Variants in MCTP1 observed in about 807,000 individuals in gnomAD.
MCTP1 encodes the protein multiple C2 and transmembrane domain-containing protein 1.
In MCTP1, 69 loss-of-function variants were observed where a neutral mutation model predicts 120.6. The observed-to-expected ratio is 0.57, with a 90% CI of 0.47 to 0.70. The LOEUF (loss-of-function observed/expected upper bound fraction) is 0.70. MCTP1 is among the 30% of genes least tolerant of loss of function. The pLI is 0.00. For missense variants in MCTP1, 1,203 were observed against 1,248.8 expected (o/e 0.96, Z 0.55); for synonymous variants, 529 against 493.1 (o/e 1.07, Z -0.96).
chr5:94,934,283 T>C (rs969197222), intron 5 of MCTP1, among the ~76,000 whole-genome samples: 3 of 151,972 alleles, frequency 2.0e-5, no homozygotes, highest in East Asian at 3.9e-4. Flanking sequence ...TTGTGAAAGA[T>C]AGAAGATGAA....
At chr5:94,749,021 C>A (rs1333731234) in intron 19 of MCTP1, among the ~76,000 whole-genome samples, 4 of 152,138 alleles carry the variant, frequency 2.6e-5, no homozygotes, top group Non-Finnish European at 5.9e-5. Flanking sequence ...ATTGTGGCCC[C>A]AGAGCATTCT....
chr5:94,864,968 CAATAGATGA>C (rs1796525250), intron 17 of MCTP1, among the ~76,000 whole-genome samples: 1 of 151,930 alleles, frequency 6.6e-6, no homozygotes, highest in African/African-American at 2.4e-5. Flanking sequence ...TCCATGTCTA[CAATAGATGA>C]TTCCCCAAGA....
At chr5:95,007,782 A>G (rs948038405) in intron 2 of MCTP1, among the ~76,000 whole-genome samples, 2 of 152,182 alleles carry the variant, frequency 1.3e-5, no homozygotes, top group Admixed American at 6.6e-5. Flanking sequence ...CCCATTCCCC[A>G]GGCTTTTACA....
At chr5:95,027,925 A>C (rs770222104) in intron 1 of MCTP1, among the ~76,000 whole-genome samples, 2 of 152,214 alleles carry the variant, frequency 1.3e-5, no homozygotes, top group African/African-American at 2.4e-5. Context: ...TAATATAGGG[A>C]AAGTGAGCTG....
At chr5:94,816,796 C>G (rs1784552277) in intron 17 of MCTP1, among the ~76,000 whole-genome samples, 1 of 151,874 alleles carries the variant, frequency 6.6e-6, no homozygotes, top group Non-Finnish European at 1.5e-5. Flanking sequence ...ATTTTTGTAG[C>G]CTCTCTTCAA....
chr5:95,270,920 A>G (rs1376915193), intron 1 of MCTP1, among the ~76,000 whole-genome samples: 8 of 82,018 alleles, frequency 9.8e-5, no homozygotes, highest in Admixed American at 4.3e-4. Context: ...ACAGAGCAAG[A>G]CTCTCTCTCT....
At chr5:95,200,913 TATAAA>T (rs1309695786) in intron 1 of MCTP1, among the ~76,000 whole-genome samples, 8 of 147,412 alleles carry the variant, frequency 5.4e-5, no homozygotes, top group African/African-American at 2.0e-4. Context: ...ATGATAAACA[TATAAA>T]ATGATTGTCA....
intron 18 of MCTP1, 139 bp downstream of exon 18, chr5:94,798,874 G>T: frequency 1.3e-6 from 1 of 759,716 alleles, no homozygotes; most frequent in Admixed American, 3.1e-5. Flanking sequence ...TGTTAGTTTT[G>T]ACCTGATAAA....
intron 1 of MCTP1, among the ~76,000 whole-genome samples, chr5:95,027,088 A>G (rs1406558531): frequency 6.6e-6 from 1 of 152,244 alleles, no homozygotes; most frequent in African/African-American, 2.4e-5. Context: ...AGAGATATTC[A>G]AAGTTCAATG....
chr5:94,777,920 A>G (rs1183737189), intron 19 of MCTP1, among the ~76,000 whole-genome samples: 1 of 97,620 alleles, frequency 1.0e-5, no homozygotes, highest in East Asian at 2.5e-4. Context: ...AGAAGGGAGA[A>G]AGTGTGCGTG....
At chr5:94,956,962 C>T (rs189022229) in intron 2 of MCTP1, among the ~76,000 whole-genome samples, 19 of 152,216 alleles carry the variant, frequency 1.2e-4, no homozygotes, top group Admixed American at 7.8e-4. Flanking sequence ...GACACATAAT[C>T]GTCAGATTCA....
chr5:95,160,217 T>C (rs959372884), intron 1 of MCTP1, among the ~76,000 whole-genome samples: 1 of 152,190 alleles, frequency 6.6e-6, no homozygotes, highest in African/African-American at 2.4e-5. Context: ...AGCAGGGAGA[T>C]ATGTTATCCT....
intron 1 of MCTP1, among the ~76,000 whole-genome samples, chr5:95,039,300 T>C (rs1465070990): frequency 6.6e-6 from 1 of 152,208 alleles, no homozygotes; most frequent in Non-Finnish European, 1.5e-5. Context: ...AGAAAAGTTC[T>C]GGACAGTTGT....
chr5:94,960,734 G>A (rs159011), intron 2 of MCTP1, among the ~76,000 whole-genome samples: 6,484 of 152,168 alleles, frequency 0.043, 177 homozygotes, highest in East Asian at 0.087. Flanking sequence ...ACCATGTCAC[G>A]ACCGTTAGAA....
chr5:94,990,294 T>C (rs1831281090), intron 2 of MCTP1, among the ~76,000 whole-genome samples: 1 of 152,210 alleles, frequency 6.6e-6, no homozygotes. Flanking sequence ...ACACATTTGG[T>C]GTCAGAAGTG....
chr5:95,083,161 A>AT (rs1437055664), intron 1 of MCTP1, among the ~76,000 whole-genome samples: 3 of 152,126 alleles, frequency 2.0e-5, no homozygotes, highest in Non-Finnish European at 4.4e-5. Context: ...TAAAATATGG[A>AT]TTTTTTTGTT....
intron 1 of MCTP1, among the ~76,000 whole-genome samples, chr5:95,211,031 T>G (rs1347067314): frequency 3.3e-5 from 5 of 152,168 alleles, no homozygotes; most frequent in Non-Finnish European, 7.4e-5. Flanking sequence ...GTAGAGTTTC[T>G]GCCGAGAGAT....
intron 10 of MCTP1, among the ~76,000 whole-genome samples, chr5:94,898,150 G>T (rs1018983108): frequency 2.8e-4 from 42 of 152,156 alleles, no homozygotes; most frequent in African/African-American, 1.0e-3. Flanking sequence ...CTCAGGTCCT[G>T]TGCTATATTC....
intron 1 of MCTP1, among the ~76,000 whole-genome samples, chr5:95,191,697 T>C (rs544586596): frequency 7.9e-5 from 12 of 152,034 alleles, no homozygotes; most frequent in South Asian, 6.2e-4. Flanking sequence ...AAGTGGTCAA[T>C]AGTATGTTAC....
Sources: gnomAD v4.1 joint callset for allele counts (sites outside exome capture counted in the v4.1 genomes callset) on GRCh38, gnomAD v4.1.1 for gene constraint, MANE v1.5 for transcripts, NCBI Gene and HGNC (gene_info 2026-07-23, HGNC 2026-07-21) for gene names.